The following GRM5 variants were observed in gnomAD, a reference collection of about 807,000 sequenced individuals.
GRM5 encodes the protein metabotropic glutamate receptor 5.
GRM5 carries 19 observed loss-of-function variants against 83.1 expected under a neutral mutation model. The ratio of observed to expected loss-of-function variants is 0.23; its 90% CI spans 0.16 to 0.34. The LOEUF is 0.34. Ranked by LOEUF, GRM5 falls within the 10% of genes least tolerant of loss-of-function variation. The pLI, the probability that GRM5 is intolerant of heterozygous loss-of-function variation, is 1.00. For synonymous variants in GRM5, 675 were observed against 633.6 expected (o/e 1.07, Z -0.98); for missense variants, 1,160 against 1,588.3 (o/e 0.73, Z 4.58).
At chr11:89,044,569 G>T (rs554539664) in intron 2 of GRM5, among the ~76,000 whole-genome samples, 37 of 152,078 alleles carry the variant, frequency 2.4e-4, no homozygotes, top group Non-Finnish European at 4.6e-4. Flanking sequence ...GCAATTAGGA[G>T]AAAAAATGTT....
rs568189932 is a variant in GRM5, at chr11:88,835,765, C to A, written c.911+14141G>T. The stretch of plus-strand genomic sequence containing the variant: ...GTATTAAAAAGACTAATATCTATAT[C>A]CAAAGAGTACATTTCTTATTAAACT... On this transcript the variant is annotated intron_variant, in intron 3 of 9. Transcript: ENST00000305447. 2.2e-4 allele frequency among the ~76,000 whole-genome samples: 33 copies of A among 152,262 alleles called. 1 individual carries two copies. The South Asian group carries it at 6.4e-3, about 30-fold the overall frequency.
chr11:88,635,808 T>C (rs1939102791), intron 4 of GRM5, among the ~76,000 whole-genome samples: 1 of 152,198 alleles, frequency 6.6e-6, no homozygotes, highest in African/African-American at 2.4e-5. Flanking sequence ...AGTAGTTTTA[T>C]GTTTCTAGGT....
chr11:88,865,481 A>G (rs193240681), intron 2 of GRM5, among the ~76,000 whole-genome samples: 46 of 152,318 alleles, frequency 3.0e-4, no homozygotes, highest in Non-Finnish European at 6.2e-4. Flanking sequence ...AGGCAATACC[A>G]TTCAGGACAT....
chr11:88,805,642 T>A (rs527830444), intron 3 of GRM5, among the ~76,000 whole-genome samples: 180 of 152,296 alleles, frequency 1.2e-3, no homozygotes, highest in Non-Finnish European at 2.0e-3. Context: ...TGACTATGAA[T>A]CTTCACTCTT....
chr11:88,811,859 A>G (rs1247186002), intron 3 of GRM5, among the ~76,000 whole-genome samples: 1 of 152,086 alleles, frequency 6.6e-6, no homozygotes, highest in African/African-American at 2.4e-5. Flanking sequence ...CAACTTACCC[A>G]GAGCTCAGTG....
rs756069591 is a variant in GRM5 at position 88,567,214 on chromosome 11, G to A, written c.2469C>T (p.Tyr823=). ...ALGCMFVPKV[Y]IILAKPERNV... ...TTCTCTCTGGTTTGGCCAGGATGAT[G>A]TACACCTTCGGCACAAACATGCAGC... The change falls in exon 8 of 10, where the codon TAC becomes TAT. Residue 823 remains tyrosine (Y), a synonymous_variant. Transcript: ENST00000305447. The surrounding 1 kb of genome is among the most constrained non-coding windows in gnomAD (Gnocchi z 7.3). 1.2e-6 allele frequency: 2 copies of A among 1,613,976 alleles called. No individual in the cohort carries two copies. Among genetic ancestry groups the A allele is most frequent in the African/African-American group, 2.7e-5 (2 of 74,916 alleles).
In GRM5 at chr11:88,974,650, G is replaced by C. The variant is rs1338026257; in HGVS notation, c.661+72562C>G. ...ACCCTAGGCCATCATTTGTGTTTCAGTTTGTAAGTTTTACATTCTATCATG... is the reference window on the plus strand; with the variant it reads ...ACCCTAGGCCATCATTTGTGTTTCACTTTGTAAGTTTTACATTCTATCATG... On this transcript the variant is annotated intron_variant, in intron 2 of 9. Transcript: ENST00000305447. Among the ~76,000 whole-genome samples, 3 of 152,128 alleles carry C rather than the reference G, an allele frequency of 2.0e-5. No individual in the cohort carries two copies. The East Asian group carries it at 5.8e-4, about 29-fold the overall frequency.
chr11:88,511,235 C>G (rs1302312209), intron 9 of GRM5, among the ~76,000 whole-genome samples: 1 of 152,154 alleles, frequency 6.6e-6, no homozygotes, highest in Non-Finnish European at 1.5e-5. Context: ...CCCATCACTC[C>G]CCTTGGGCCC....
At chr11:88,593,390 A>C (rs941128341) in intron 6 of GRM5, among the ~76,000 whole-genome samples, 10 of 152,204 alleles carry the variant, frequency 6.6e-5, no homozygotes, top group African/African-American at 2.4e-4. Flanking sequence ...TAAAAATATG[A>C]TAATAGGCTG....
intron 7 of GRM5, among the ~76,000 whole-genome samples, chr11:88,578,268 C>T (rs1258772885): frequency 2.0e-5 from 3 of 152,048 alleles, no homozygotes; most frequent in African/African-American, 2.4e-5. Flanking sequence ...TCATATTACT[C>T]ATATAATATA....
At chr11:88,770,513 G>A (rs779813659) in intron 3 of GRM5, among the ~76,000 whole-genome samples, 65 of 152,058 alleles carry the variant, frequency 4.3e-4, no homozygotes, top group Non-Finnish European at 7.6e-4. Context: ...TAAAAATGAA[G>A]TTGATTCATA....
chr11:88,664,195 GT>G (rs200840681), intron 3 of GRM5, among the ~76,000 whole-genome samples: 1 of 151,910 alleles, frequency 6.6e-6, no homozygotes, highest in East Asian at 1.9e-4. Flanking sequence ...TGTATGTAGT[GT>G]TTTTTTCCTA....
At chr11:88,712,751 G>A (rs11021035) in intron 3 of GRM5, among the ~76,000 whole-genome samples, 33,015 of 151,906 alleles carry the variant, frequency 0.22, 3,768 homozygotes, top group Middle Eastern at 0.3. Context: ...ATAGTTGTCA[G>A]TTTGGCTTCA....
intron 3 of GRM5, among the ~76,000 whole-genome samples, chr11:88,701,401 G>A (rs1305656910): frequency 2.0e-5 from 3 of 152,106 alleles, no homozygotes; most frequent in African/African-American, 7.2e-5. Flanking sequence ...TTAGATAAGC[G>A]ATCAAGACAA....
At chr11:88,677,839 A>G (rs1940374096) in intron 3 of GRM5, among the ~76,000 whole-genome samples, 1 of 152,174 alleles carries the variant, frequency 6.6e-6, no homozygotes, top group Non-Finnish European at 1.5e-5. Flanking sequence ...CTTATTGAAT[A>G]TTAGAAATTG....
chr11:88,556,633 T>G (rs1168013206), intron 8 of GRM5, among the ~76,000 whole-genome samples: 1 of 152,108 alleles, frequency 6.6e-6, no homozygotes, highest in African/African-American at 2.4e-5. Context: ...GTGGGATACA[T>G]CCTGTATTAT....
At chr11:88,913,900 T>C (rs187764942) in intron 2 of GRM5, among the ~76,000 whole-genome samples, 1 of 152,300 alleles carries the variant, frequency 6.6e-6, no homozygotes, top group East Asian at 1.9e-4. Context: ...CATATCTCAC[T>C]GGTCACACAA....
Position 88,505,164 on chromosome 11 carries a change from C to G in GRM5, c.*3428G>C, listed in dbSNP as rs1467994899. 6.6e-6 allele frequency: 1 copy of G among 152,158 alleles called. No homozygotes were observed. Among genetic ancestry groups the G allele is most frequent in the Non-Finnish European group, 1.5e-5 (1 of 68,018 alleles). 9.4% of individuals were successfully genotyped at this position (152,158 alleles called of 1,614,324 possible). A position where few individuals can be genotyped will look rare whatever the true frequency, so the allele number is the denominator to read the frequency against. ...ATTCTGACTTGTCTTTATGCTTTCA[C>G]TGATCTGTATTTTTTCACAGTATAA... On this transcript the variant is annotated 3_prime_UTR_variant, in exon 10 of 10. Coordinates refer to ENST00000305447, the MANE Select transcript of GRM5 (RefSeq NM_001143831.3).
chr11:89,061,422 C>T (rs1356938950), intron 1 of GRM5, among the ~76,000 whole-genome samples: 2 of 152,024 alleles, frequency 1.3e-5, no homozygotes, highest in Non-Finnish European at 2.9e-5. Flanking sequence ...TATAGTAAGA[C>T]TCCTATAAAA....
Sources: gnomAD v4.1 joint callset for allele counts (sites outside exome capture counted in the v4.1 genomes callset) on GRCh38, gnomAD v4.1.1 for gene constraint, Gnocchi (gnomAD v3.1) non-coding constraint, MANE v1.5 for transcripts, NCBI Gene and HGNC (gene_info 2026-07-23, HGNC 2026-07-21) for gene names.